Variants in KRT38 observed in about 807,000 individuals in gnomAD.
KRT38 encodes the protein keratin 38, also known as keratin, type I cuticular Ha8.
Under a neutral mutation model 43.1 loss-of-function variants are expected in KRT38, and 45 were observed. The ratio of observed to expected loss-of-function variants is 1.04; its 90% confidence interval spans 0.82 to 1.34. The LOEUF (loss-of-function observed/expected upper bound fraction) is 1.34. KRT38 is among the 40% of genes most tolerant of loss of function. The probability of loss-of-function intolerance (pLI) is 0.00; values close to 1 mark genes in which losing one functional copy is unlikely to be tolerated. For synonymous variants in KRT38, 258 were observed against 244.0 expected (o/e 1.06, Z -0.53); for missense variants, 627 against 586.2 (o/e 1.07, Z -0.72).
At chr17:41,437,585 T>C in intron 6 of KRT38, 44 bp from the exon 7 acceptor site, 1 of 1,535,062 alleles carries the variant, frequency 6.5e-7, no homozygotes, top group Non-Finnish European at 8.7e-7. Context: ...AAGAAATGAA[T>C]GGGGTCTCAG....
At position 41,440,177 on chromosome 17, in the gene KRT38, C is replaced by T. The variant is rs759958464; in HGVS notation, c.559G>A (p.Asp187Asn). ...VQIDNAKLAA[D>N]DFRIKLESER... ...CTGACTTACTTGATCCTAAAGTCAT[C>T]GGCAGCCAGCTTGGCATTGTCAATT... Residue 187 changes from aspartate (D) to asparagine (N), a missense_variant, in exon 2 of 7, where the codon GAT (aspartate) becomes AAT (asparagine). Asp to Asn is a conservative substitution (Grantham distance 23). Transcript: ENST00000246646. The T allele has an allele frequency of 2.4e-5, 38 of 1,614,042 alleles. No homozygotes were observed. The highest frequency in any genetic ancestry group is 1.3e-4 in the Admixed American group (8 of 60,004).
chr17:41,440,675 A>T lies in KRT38; in HGVS notation c.247T>A (p.Cys83Ser), dbSNP rs1364898733. ...CHTACPLPGT[C>S]HIPGNIGICG... is the part of the protein sequence containing the mutation. ...ATTCCAATGTTGCCAGGAATGTGGC[A>T]GGTCCCTGGCAAGGGACAAGCAGTG... Residue 83 changes from cysteine to serine, a missense_variant, in exon 1 of 7, where the codon TGC (cysteine) becomes AGC (serine). Cys to Ser is a moderately radical substitution (Grantham distance 112). Transcript: ENST00000246646. The T allele has an allele frequency of 1.2e-6, 2 of 1,614,202 alleles. No individual in the cohort carries two copies. Among genetic ancestry groups the T allele is most frequent in the South Asian group, 2.2e-5 (2 of 91,084 alleles).
Position 41,437,192 on chromosome 17 carries a change from G to A in KRT38, c.*220C>T, listed in dbSNP as rs2018734655. 1 of 416,990 alleles carries A rather than the reference G, an allele frequency of 2.4e-6. No individual in the cohort carries two copies. The highest frequency in any genetic ancestry group is 2.0e-5 in the African/African-American group (1 of 48,970). 25.8% of individuals were successfully genotyped at this position (416,990 alleles called of 1,614,324 possible). A position where few individuals can be genotyped will look rare whatever the true frequency, so the allele number is the denominator to read the frequency against. ...AATCCAGATATTCTGAGCCACCATG[G>A]GTGGCTGCAATCCAGCCACTGAGGG... On this transcript the variant is annotated 3_prime_UTR_variant, in exon 7 of 7. Coordinates refer to ENST00000246646, the MANE Select transcript of KRT38 (RefSeq NM_006771.4).
In KRT38 at chr17:41,440,555, G is replaced by A. The variant is rs150183284; in HGVS notation, c.367C>T (p.Arg123Cys). ...DRLANYLEKV[R>C]QLEQENAELE... Reference sequence around the variant, plus strand: ...TCCGCATTCTCCTGCTCCAGCTGGCGCACCTTCTCCAGGTAGTTGGCCAGG... The same window carrying A: ...TCCGCATTCTCCTGCTCCAGCTGGCACACCTTCTCCAGGTAGTTGGCCAGG... Residue 123 changes from arginine (R) to cysteine (C), a missense_variant, in exon 1 of 7, where the codon CGC becomes TGC. Coordinates refer to ENST00000246646, the MANE Select transcript of KRT38 (RefSeq NM_006771.4). The A allele has an allele frequency of 1.7e-4, 271 of 1,614,220 alleles. No homozygotes were observed. The African/African-American group carries it at 2.8e-3, about 17-fold the overall frequency.
At position 41,440,437 on chromosome 17, in the gene KRT38, T is replaced by C; in HGVS notation, c.485A>G (p.Gln162Arg). 6.2e-7 allele frequency: 1 copy of C among 1,613,292 alleles called. No individual in the cohort carries two copies. The highest frequency in any genetic ancestry group is 8.5e-7 in the Non-Finnish European group (1 of 1,179,244). Residue 162 changes from glutamine (Q) to arginine (R), a missense_variant, in exon 1 of 7, where the codon CAA becomes CGA. Transcript: ENST00000246646. The stretch of plus-strand genomic sequence containing the variant: ...AGCGATCCCACACCTCACCTTCTGT[T>C]GGAGCTCCTCGATGGTGTGGAAGTA... ...QSYFHTIEEL[Q>R]QKILCSKAEN...
chr17:41,439,497 A>G, intron 2 of KRT38, 138 bp from the exon 3 acceptor site: 1 of 928,726 alleles, frequency 1.1e-6, no homozygotes, highest in Non-Finnish European at 1.6e-6. Flanking sequence ...AAGGTGAATT[A>G]GACCCAGCCC....
rs761127183 is a variant in KRT38, at chr17:41,440,167, C to T, written c.569G>A (p.Arg190Lys). ...CCTCCTCCGCCTGACTTACTTGATCCTAAAGTCATCGGCAGCCAGCTTGGC... is the reference window on the plus strand; with the variant it reads ...CCTCCTCCGCCTGACTTACTTGATCTTAAAGTCATCGGCAGCCAGCTTGGC... ...DNAKLAADDF[R>K]IKLESERSLR... is the part of the protein sequence containing the mutation. The change falls in exon 2 of 7, where the codon AGG (arginine) becomes AAG (lysine). Residue 190 changes from arginine to lysine, a missense_variant. Physicochemically the swap from Arg to Lys is conservative, Grantham distance 26. Transcript: ENST00000246646. The T allele has an allele frequency of 6.2e-7, 1 of 1,614,030 alleles. No individual in the cohort carries two copies. The highest frequency in any genetic ancestry group is 1.1e-5 in the South Asian group (1 of 91,068).
rs1389197665 is a variant in KRT38 at position 41,436,324 on chromosome 17, G to C, written c.*1088C>G. ...TGGAGGTGCTAATGAGCAGGACAGAGTGCCAGGGTTGTGAGTCCTTTAGGC... is the reference window on the plus strand; with the variant it reads ...TGGAGGTGCTAATGAGCAGGACAGACTGCCAGGGTTGTGAGTCCTTTAGGC... On this transcript the variant is annotated 3_prime_UTR_variant, in exon 7 of 7. Coordinates refer to ENST00000246646, the MANE Select transcript of KRT38 (RefSeq NM_006771.4). 6.6e-6 allele frequency: 1 copy of C among 152,288 alleles called. No homozygotes were observed. Among genetic ancestry groups the C allele is most frequent in the Non-Finnish European group, 1.5e-5 (1 of 68,098 alleles). 9.4% of individuals were successfully genotyped at this position (152,288 alleles called of 1,614,324 possible).
intron 5 of KRT38, 29 bp from the exon 6 acceptor site, chr17:41,438,342 T>C: frequency 6.2e-7 from 1 of 1,608,030 alleles, no homozygotes; most frequent in Non-Finnish European, 8.5e-7. Context: ...GGATAAAATA[T>C]ACAAGGCCCC....
chr17:41,437,917 A>G (rs1249086866), intron 6 of KRT38, among the ~76,000 whole-genome samples, 176 bp downstream of exon 6: 2 of 152,126 alleles, frequency 1.3e-5, no homozygotes, highest in Non-Finnish European at 2.9e-5. Flanking sequence ...CTCTAAGTGC[A>G]TGGTCATTCC....
intron 4 of KRT38, 40 bp downstream of exon 4, chr17:41,438,657 G>A (rs2144419196): frequency 1.2e-6 from 2 of 1,605,158 alleles, no homozygotes; most frequent in East Asian, 4.5e-5. Flanking sequence ...TGCCCAGATG[G>A]AGGCCAGGTA....
Position 41,437,036 on chromosome 17 carries a change from G to T in KRT38, c.*376C>A, listed in dbSNP as rs113189764. The T allele has an allele frequency of 0.011, 1,854 of 166,616 alleles. 7 individuals carry two copies. The highest frequency in any genetic ancestry group is 0.028 in the Middle Eastern group (10 of 358). The allele number at this position is 166,616 out of a possible 1,614,324, so 10.3% of individuals were successfully genotyped here. A position where few individuals can be genotyped will look rare whatever the true frequency, so the allele number is the denominator to read the frequency against. On this transcript the variant is annotated 3_prime_UTR_variant, in exon 7 of 7. Coordinates refer to ENST00000246646, the MANE Select transcript of KRT38 (RefSeq NM_006771.4). The stretch of plus-strand genomic sequence containing the variant: ...AATGTGGGAAATCTCAGACAGTGAA[G>T]TCTGTTCTTCACTTCCTTTGTCATA...
rs2018732785 is a variant in KRT38, at chr17:41,437,060, TA to T, written c.*351del. On this transcript the variant is annotated 3_prime_UTR_variant, in exon 7 of 7. Transcript: ENST00000246646. ...AGTCTGTTCTTCACTTCCTTTGTCA[TA>T]AACTATAAAAATTTCAAGTTAAAGT... The T allele has an allele frequency of 5.4e-6, 1 of 186,770 alleles. No individual in the cohort carries two copies. Among genetic ancestry groups the T allele is most frequent in the Non-Finnish European group, 1.1e-5 (1 of 91,472 alleles). The allele number at this position is 186,770 out of a possible 1,614,324, so 11.6% of individuals were successfully genotyped here. A position where few individuals can be genotyped will look rare whatever the true frequency, so the allele number is the denominator to read the frequency against.
intron 2 of KRT38, among the ~76,000 whole-genome samples, chr17:41,439,838 T>C (rs1233904596): frequency 1.3e-5 from 2 of 152,208 alleles, no homozygotes; most frequent in African/African-American, 4.8e-5. Flanking sequence ...CATCTGTAAG[T>C]GACTCCTCTG....
rs754754240 is a variant in KRT38, at chr17:41,438,661, C to T, written c.894+36G>A. On this transcript the variant is annotated intron_variant, in intron 4 of 6. Transcript: ENST00000246646. ...GGTCACCTCCCTGCCCAGATGGAGG[C>T]CAGGTACCCCCTGGTTCTATACCCC... The T allele has an allele frequency of 8.8e-6, 14 of 1,594,812 alleles. No homozygotes were observed. The East Asian group carries it at 2.7e-4, about 31-fold the overall frequency.
intron 3 of KRT38, 26 bp downstream of exon 3, chr17:41,439,177 A>T: frequency 6.2e-7 from 1 of 1,608,286 alleles, no homozygotes; most frequent in Non-Finnish European, 8.5e-7. Flanking sequence ...TGCCCTCCCC[A>T]GGAGTTTGAG....
Position 41,437,365 on chromosome 17 carries a change from C to G in KRT38, c.*47G>C. The G allele has an allele frequency of 6.7e-7, 1 of 1,490,194 alleles. No homozygotes were observed. The highest frequency in any genetic ancestry group is 2.6e-5 in the Admixed American group (1 of 38,866). 92.3% of individuals were successfully genotyped at this position (1,490,194 alleles called of 1,614,324 possible). ...TTCTAAAGGTATAACAAGCATCTCT[C>G]TTTGGGTATCCCTCGCCTTAGCCAG... On this transcript the variant is annotated 3_prime_UTR_variant, in exon 7 of 7. Transcript: ENST00000246646.
chr17:41,438,287 A>C lies in KRT38; in HGVS notation c.1047T>G (p.Cys349Trp). The stretch of plus-strand genomic sequence containing the variant: ...CCGTGCCGAAGCGGTCCTCGGCTTC[A>C]CACAGGGAGTTCTGCAGACAGTCCT... The part of the protein sequence containing the change: ...TLKDCLQNSL[C>W]EAEDRFGTEL... The change falls in exon 6 of 7, where the codon TGT (cysteine) becomes TGG (tryptophan). Residue 349 changes from cysteine to tryptophan, a missense_variant. Transcript: ENST00000246646. 1 of 1,614,184 alleles carries C rather than the reference A, an allele frequency of 6.2e-7. No individual in the cohort carries two copies. The highest frequency in any genetic ancestry group is 2.2e-5 in the East Asian group (1 of 44,882).
chr17:41,440,713 G>T lies in KRT38; in HGVS notation c.209C>A (p.Pro70Gln). 1 of 1,614,204 alleles carries T rather than the reference G, an allele frequency of 6.2e-7. No homozygotes were observed. Among genetic ancestry groups the T allele is most frequent in the Non-Finnish European group, 8.5e-7 (1 of 1,180,034 alleles). Residue 70 changes from proline (P) to glutamine (Q), a missense_variant, in exon 1 of 7, where the codon CCG becomes CAG. Transcript: ENST00000246646. ...TPLGRPSLCL[P>Q]PTCHTACPLP... is the part of the protein sequence containing the mutation. ...GGGACAAGCAGTGTGGCAGGTAGGC[G>T]GCAGACAGAGGCTGGGGCGGCCCAG...
Sources: gnomAD v4.1 joint callset for allele counts (sites outside exome capture counted in the v4.1 genomes callset) on GRCh38, gnomAD v4.1.1 for gene constraint, MANE v1.5 for transcripts, NCBI Gene and HGNC (gene_info 2026-07-23, HGNC 2026-07-21) for gene names.